Variants in GNB1L observed in about 807,000 individuals in gnomAD.
GNB1L encodes the protein guanine nucleotide-binding protein subunit beta-like protein 1.
GNB1L carries 20 observed loss-of-function variants against 29.1 expected under a neutral mutation model. The ratio of observed to expected loss-of-function variants is 0.69; its 90% CI spans 0.48 to 1.00. GNB1L has a LOEUF of 1.00. GNB1L is among the 50% of genes least tolerant of loss of function. The pLI is 0.00. For missense variants in GNB1L, 421 were observed against 464.9 expected, an observed-to-expected ratio of 0.91 and a Z score of 0.87; for synonymous variants, 193 against 206.5, an observed-to-expected ratio of 0.93 and a Z score of 0.56.
At chr22:19,834,109 C>T (rs1289116249) in intron 2 of GNB1L, among the ~76,000 whole-genome samples, 1 of 151,974 alleles carries the variant, frequency 6.6e-6, no homozygotes, top group Non-Finnish European at 1.5e-5. Context: ...CCTGAAATTT[C>T]ACAAACTTAG....
chr22:19,826,724 T>A (rs1162384756), intron 2 of GNB1L, among the ~76,000 whole-genome samples: 2 of 152,178 alleles, frequency 1.3e-5, no homozygotes, highest in Non-Finnish European at 2.9e-5. Context: ...CATCTGGCTG[T>A]CACCACTTTC....
At chr22:19,790,650 C>A (rs1437552855) in intron 7 of GNB1L, among the ~76,000 whole-genome samples, 1 of 152,128 alleles carries the variant, frequency 6.6e-6, no homozygotes, top group Non-Finnish European at 1.5e-5. Context: ...GCACTCCAGC[C>A]TGGGCAACAG....
intron 7 of GNB1L, chr22:19,792,699 C>T (rs1036830717): frequency 6.8e-7 from 1 of 1,471,016 alleles, no homozygotes; most frequent in Non-Finnish European, 9.4e-7. Context: ...ACCACCTGTC[C>T]TTCGAGCAGG....
At chr22:19,838,342 T>C (rs1371508496) in intron 2 of GNB1L, among the ~76,000 whole-genome samples, 1 of 152,100 alleles carries the variant, frequency 6.6e-6, no homozygotes, top group South Asian at 2.1e-4. Context: ...AGAAAAAAAC[T>C]GTCAAAACCA....
chr22:19,848,626 G>A (rs942688058), intron 2 of GNB1L: 67 of 985,362 alleles, frequency 6.8e-5, no homozygotes, highest in Admixed American at 1.2e-4. Flanking sequence ...AACAGGACGC[G>A]TTTTAATTAA....
At chr22:19,793,414 G>C (rs937456751) in intron 7 of GNB1L, among the ~76,000 whole-genome samples, 1 of 152,130 alleles carries the variant, frequency 6.6e-6, no homozygotes, top group Non-Finnish European at 1.5e-5. Context: ...AAAAACGACT[G>C]AACCAAAACA....
At chr22:19,837,105 T>A (rs941116556) in intron 2 of GNB1L, among the ~76,000 whole-genome samples, 2 of 152,038 alleles carry the variant, frequency 1.3e-5, no homozygotes, top group Non-Finnish European at 2.9e-5. Context: ...TAGCTGGGAC[T>A]ACAGGCGCCC....
intron 2 of GNB1L, among the ~76,000 whole-genome samples, chr22:19,825,124 G>A (rs1256597200): frequency 3.9e-5 from 6 of 152,190 alleles, no homozygotes; most frequent in East Asian, 1.9e-4. Context: ...AGGACAGGCC[G>A]CACAGGCCGC....
intron 7 of GNB1L, among the ~76,000 whole-genome samples, chr22:19,796,734 C>T (rs149986974): frequency 9.8e-4 from 149 of 152,208 alleles, no homozygotes; most frequent in African/African-American, 3.5e-3. Context: ...TGGACAGTCA[C>T]CTCTGGAAAC....
chr22:19,830,379 T>C (rs549708521), intron 2 of GNB1L, among the ~76,000 whole-genome samples: 1 of 152,150 alleles, frequency 6.6e-6, no homozygotes, highest in South Asian at 2.1e-4. Flanking sequence ...TTGTATACAA[T>C]AACAATAAAG....
At chr22:19,789,025 C>A (rs370899360) in intron 7 of GNB1L, 65 bp from the exon 8 acceptor site, 12 of 1,505,278 alleles carry the variant, frequency 8.0e-6, no homozygotes, top group East Asian at 6.8e-5. Context: ...GCCCCTGGTG[C>A]CCCACCTGCA....
intron 7 of GNB1L, among the ~76,000 whole-genome samples, chr22:19,799,376 C>A (rs1387569065): frequency 3.9e-5 from 6 of 152,194 alleles, no homozygotes; most frequent in Non-Finnish European, 8.8e-5. Context: ...CACCACTTGA[C>A]CCCGAGGCAC....
rs1937528347 is a variant in GNB1L, at chr22:19,816,834, C to T, written c.254+3764G>A. 1.3e-5 allele frequency among the ~76,000 whole-genome samples: 2 copies of T among 152,226 alleles called. No homozygotes were observed. Among genetic ancestry groups the T allele is most frequent in the Non-Finnish European group, 2.9e-5 (2 of 68,040 alleles). On this transcript the variant is annotated intron_variant, in intron 4 of 7. Transcript: ENST00000329517. The surrounding 1 kb of genome is among the most constrained non-coding windows in gnomAD (Gnocchi z 4.4). ...CTGACATGCCCAACAAGCGAGCCTG[C>T]CACCTGCCCTCACCAACCTCCTGGC... is the stretch of plus-strand genomic sequence containing the variant.
chr22:19,813,531 C>CA (rs1031797776), intron 4 of GNB1L, among the ~76,000 whole-genome samples: 8 of 151,872 alleles, frequency 5.3e-5, no homozygotes, highest in Non-Finnish European at 1.2e-4. Flanking sequence ...ACTAAAAACA[C>CA]AAAAAAATCA....
At chr22:19,801,653 G>GTTTTTTTTT (rs546357448) in intron 7 of GNB1L, among the ~76,000 whole-genome samples, 1 of 137,714 alleles carries the variant, frequency 7.3e-6, no homozygotes, top group Non-Finnish European at 1.6e-5. Context: ...TTCCACACTG[G>GTTTTTTTTT]TTTTTTTTTT....
At chr22:19,853,524 CG>C (rs1840040641) in intron 2 of GNB1L, among the ~76,000 whole-genome samples, 1 of 152,192 alleles carries the variant, frequency 6.6e-6, no homozygotes, top group South Asian at 2.1e-4. Context: ...CACACACAAA[CG>C]CCACCGGCTC....
intron 2 of GNB1L, among the ~76,000 whole-genome samples, chr22:19,841,542 C>T (rs1221385013): frequency 6.6e-6 from 1 of 152,104 alleles, no homozygotes; most frequent in Non-Finnish European, 1.5e-5. Flanking sequence ...GTGGCTGAAG[C>T]AGGAGGAGAG....
intron 4 of GNB1L, among the ~76,000 whole-genome samples, chr22:19,820,242 C>T (rs1434170064): frequency 6.6e-6 from 1 of 152,184 alleles, no homozygotes; most frequent in African/African-American, 2.4e-5. Context: ...CACCCCTGCC[C>T]AGTTTCCCAA....
At chr22:19,848,222 G>A (rs1453724113) in intron 2 of GNB1L, 1 of 985,056 alleles carries the variant, frequency 1.0e-6, no homozygotes, top group Non-Finnish European at 1.2e-6. Context: ...AAAATCTCTG[G>A]GTATTTCCAA....
Sources: allele counts gnomAD v4.1 joint callset (sites outside exome capture counted in the v4.1 genomes callset), GRCh38; gene constraint gnomAD v4.1.1; non-coding constraint Gnocchi (gnomAD v3.1); transcripts MANE v1.5; gene names NCBI Gene and HGNC (gene_info 2026-07-23, HGNC 2026-07-21).